Variants in LYST observed in about 807,000 individuals in gnomAD.
LYST encodes lysosomal trafficking regulator.
A neutral mutation model predicts 413.6 loss-of-function variants in LYST; 192 were observed. The ratio of observed to expected loss-of-function variants is 0.46; its 90% CI spans 0.41 to 0.52. LYST has a LOEUF of 0.52. LYST is among the 20% of genes least tolerant of loss of function. The pLI is 0.00. For synonymous variants in LYST, 1,525 were observed against 1,567.3 expected, an observed-to-expected ratio of 0.97 and a Z score of 0.64; for missense variants, 3,815 against 4,499.9, an observed-to-expected ratio of 0.85 and a Z score of 4.35.
At position 235,734,592 on chromosome 1, in the gene LYST, T is replaced by C. The variant is rs143079247; in HGVS notation, c.8426A>G (p.Glu2809Gly). The C allele has an allele frequency of 6.5e-5, 105 of 1,613,326 alleles. No homozygotes were observed. The highest frequency in any genetic ancestry group is 7.2e-5 in the Non-Finnish European group (85 of 1,179,360). ...IHNHQGELTE[E>G]ELGTAELLMN... ...AAGCAGTTCTGCTGTGCCTAGCTCTTCTTCAGTCAATTCACCTTGGTGATT... is the reference window on the plus strand; with the variant it reads ...AAGCAGTTCTGCTGTGCCTAGCTCTCCTTCAGTCAATTCACCTTGGTGATT... Residue 2809 changes from glutamate to glycine, a missense_variant, in exon 32 of 53, where the codon GAA becomes GGA. Coordinates refer to ENST00000389793, the MANE Select transcript of LYST (RefSeq NM_000081.4).
At chr1:235,707,921 T>C (rs561128691) in intron 44 of LYST, among the ~76,000 whole-genome samples, 1 of 152,308 alleles carries the variant, frequency 6.6e-6, no homozygotes, top group African/African-American at 2.4e-5. Context: ...CAGTTCAGTA[T>C]TCTTAATCCA....
In LYST at chr1:235,693,629, G is replaced by T. The variant is rs188875077; in HGVS notation, c.10565-143C>A. The T allele has an allele frequency of 6.0e-4, 520 of 860,430 alleles. 4 individuals are homozygous for T. In the African/African-American group the frequency reaches 7.7e-3, roughly 13 times the overall value. 53.3% of individuals were successfully genotyped at this position (860,430 alleles called of 1,614,324 possible). On this transcript the variant is annotated intron_variant, in intron 46 of 52. Transcript: ENST00000389793. ...AGACCATCTTTAAATCTCTAAAATGGAACAATTTTTTAGTTTTATTCCTTT... is the reference window on the plus strand; with the variant it reads ...AGACCATCTTTAAATCTCTAAAATGTAACAATTTTTTAGTTTTATTCCTTT...
At chr1:235,720,957 G>A (rs1173718499) in intron 39 of LYST, 52 bp from the exon 40 acceptor site, 6 of 1,574,492 alleles carry the variant, frequency 3.8e-6, no homozygotes, top group South Asian at 1.1e-5. Context: ...AGTCTTATTG[G>A]CACTTTTCTC....
chr1:235,857,272 T>C (rs1679296980), intron 1 of LYST, among the ~76,000 whole-genome samples: 1 of 152,046 alleles, frequency 6.6e-6, no homozygotes. Flanking sequence ...TTGTGGATGT[T>C]GAAAATAAGT....
Position 235,791,904 on chromosome 1 carries a change from C to G in LYST, c.4338G>C (p.Arg1446=), listed in dbSNP as rs774383969. 6.2e-7 allele frequency: 1 copy of G among 1,614,118 alleles called. No individual in the cohort carries two copies. Among genetic ancestry groups the G allele is most frequent in the South Asian group, 1.1e-5 (1 of 91,084 alleles). ...GGGCTATGTGCCAAGATGAAAGCAG[C>G]CGATGGGGAAAACTCTCTCTATCAG... is the stretch of plus-strand genomic sequence containing the variant. ...KEADRESFPH[R]LLSSWHIAPV... is the part of the protein sequence containing the mutation. The change falls in exon 12 of 53, where the codon CGG becomes CGC. Residue 1446 remains arginine (R), a synonymous_variant. Coordinates refer to ENST00000389793, the MANE Select transcript of LYST (RefSeq NM_000081.4).
chr1:235,764,559 G>A (rs1420964613), intron 21 of LYST, among the ~76,000 whole-genome samples: 2 of 144,538 alleles, frequency 1.4e-5, no homozygotes, highest in African/African-American at 5.3e-5. Flanking sequence ...GAGTGCAATG[G>A]CACATTCTCA....
At chr1:235,738,179 C>T (rs574294596) in intron 31 of LYST, 38 of 1,609,846 alleles carry the variant, frequency 2.4e-5, no homozygotes, top group Middle Eastern at 2.3e-4. Flanking sequence ...AATTGAAGGG[C>T]GAGATGATGG....
chr1:235,734,443 T>C (rs999906161), intron 32 of LYST, 40 bp downstream of exon 32: 31 of 1,500,062 alleles, frequency 2.1e-5, no homozygotes, highest in Non-Finnish European at 2.9e-5. Flanking sequence ...TTATCTATGA[T>C]GGAATCTCCT....
rs1421850267 is a variant in LYST at position 235,808,659 on chromosome 1, T to C, written c.2159A>G (p.Gln720Arg). The C allele has an allele frequency of 6.2e-7, 1 of 1,613,590 alleles. No individual in the cohort carries two copies. Among genetic ancestry groups the C allele is most frequent in the South Asian group, 1.1e-5 (1 of 91,074 alleles). Reference protein sequence around the residue: ...QIANHICNLIQKGNIVVQWKL... With the variant: ...QIANHICNLIRKGNIVVQWKL... ...CCACTGAACAACTATATTGCCTTTC[T>C]GGATTAAATTGCAAATGTGATTTGC... The change falls in exon 5 of 53, where the codon CAG becomes CGG. Residue 720 changes from glutamine (Q) to arginine (R), a missense_variant. Around this residue, in one of 4 missense-constraint regions of LYST, gnomAD observed 1,648 missense variants for 1,810.3 expected, o/e 0.91. Coordinates refer to ENST00000389793, the MANE Select transcript of LYST (RefSeq NM_000081.4).
In LYST at chr1:235,806,353, C is replaced by A; in HGVS notation, c.2783G>T (p.Gly928Val). Residue 928 changes from glycine to valine, a missense_variant, in exon 6 of 53, where the codon GGC becomes GTC. By Grantham distance (109) the Gly-to-Val change is moderately radical (BLOSUM62 -3). This residue lies in a region of LYST where 1,648 missense variants were observed against 1,810.3 expected (regional missense o/e 0.91). Coordinates refer to ENST00000389793, the MANE Select transcript of LYST (RefSeq NM_000081.4). ...ESANDSEDTS[G>V]YDSTASEPLS... is the part of the protein sequence containing the mutation. ...AGGCTCGCTGGCTGTGCTGTCATAG[C>A]CAGAAGTATCTTCTGAGTCATTGGC... 1.2e-6 allele frequency: 2 copies of A among 1,613,972 alleles called. No homozygotes were observed. The highest frequency in any genetic ancestry group is 1.7e-6 in the Non-Finnish European group (2 of 1,179,992).
chr1:235,875,742 C>A (rs1681105857), intron 1 of LYST, among the ~76,000 whole-genome samples: 1 of 151,862 alleles, frequency 6.6e-6, no homozygotes, highest in Non-Finnish European at 1.5e-5. Context: ...TACTTGGAAG[C>A]CTGAGGCAGG....
At position 235,759,190 on chromosome 1, in the gene LYST, C is replaced by CTCA; in HGVS notation, c.6660_6662dup (p.Asp2220dup). The stretch of plus-strand genomic sequence containing the variant: ...GGTAATCAGGTCGGCGTGGGCAGGA[C>CTCA]TCATCCCCAGGACTGTCATCTTCTG... On this transcript the variant is annotated inframe_insertion, in exon 23 of 53. Coordinates refer to ENST00000389793, the MANE Select transcript of LYST (RefSeq NM_000081.4). The CTCA allele has an allele frequency of 6.2e-7, 1 of 1,614,150 alleles. No individual in the cohort carries two copies. The highest frequency in any genetic ancestry group is 8.5e-7 in the Non-Finnish European group (1 of 1,180,018).
At position 235,762,706 on chromosome 1, in the gene LYST, A is replaced by G. The variant is rs745806176; in HGVS notation, c.6253+14T>C. 11 of 1,611,576 alleles carry G rather than the reference A, an allele frequency of 6.8e-6. No homozygotes were observed. Among genetic ancestry groups the G allele is most frequent in the Non-Finnish European group, 9.3e-6 (11 of 1,177,980 alleles). On this transcript the variant is annotated intron_variant, in intron 22 of 52. Transcript: ENST00000389793. ...AAAATGAGAAGGTCATACTTCCATT[A>G]TTGCTATTTTTACCTTCATATGGTG...
intron 2 of LYST, among the ~76,000 whole-genome samples, chr1:235,831,962 T>C (rs562925020): frequency 3.9e-5 from 6 of 152,346 alleles, no homozygotes; most frequent in African/African-American, 1.2e-4. Context: ...CAATGCTTCT[T>C]ATCACATAAA....
At chr1:235,768,320 C>A (rs969954878) in intron 20 of LYST, among the ~76,000 whole-genome samples, 2 of 151,950 alleles carry the variant, frequency 1.3e-5, no homozygotes, top group East Asian at 1.9e-4. Flanking sequence ...TCCTTATAAT[C>A]TCTCCCATAT....
chr1:235,791,139 C>T (rs75077716), intron 12 of LYST, among the ~76,000 whole-genome samples: 6,358 of 152,032 alleles, frequency 0.042, 471 homozygotes, highest in African/African-American at 0.14. Flanking sequence ...TAAAATTAGC[C>T]AGGTGTGATT....
rs921215591 is a variant in LYST, at chr1:235,686,374, A to AAAAAC, written c.10800+570_10800+574dup. Reference sequence around the variant, plus strand: ...AGAGGGAGGTTCTGTCTCAAAAAACAAAAACAAAACAAAACAAAACAAAAC... The same window carrying AAAAAC: ...AGAGGGAGGTTCTGTCTCAAAAAACAAAAACAAAACAAAACAAAACAAAACAAAAC... On this transcript the variant is annotated intron_variant, in intron 48 of 52. Transcript: ENST00000389793. This position sits in a 1 kb window ranked among gnomAD's most constrained non-coding sequence, Gnocchi z 4.0. Among the ~76,000 whole-genome samples the AAAAAC allele has an allele frequency of 3.3e-5, 5 of 152,220 alleles. No homozygotes were observed. Among genetic ancestry groups the AAAAAC allele is most frequent in the Non-Finnish European group, 7.3e-5 (5 of 68,044 alleles).
chr1:235,800,627 A>C (rs1672111102), intron 9 of LYST, among the ~76,000 whole-genome samples: 1 of 152,250 alleles, frequency 6.6e-6, no homozygotes, highest in Non-Finnish European at 1.5e-5. Flanking sequence ...AATATTACCC[A>C]GTCTCAGAAA....
rs544105865 is a variant in LYST at position 235,798,301 on chromosome 1, A to C, written c.4006+2019T>G. ...TTAAGAAATCTGAATTATGGACTTCAGTTAATAATAACATATCAATATAAG... is the reference window on the plus strand; with the variant it reads ...TTAAGAAATCTGAATTATGGACTTCCGTTAATAATAACATATCAATATAAG... On this transcript the variant is annotated intron_variant, in intron 10 of 52. Transcript: ENST00000389793. Among the ~76,000 whole-genome samples, 9 of 152,242 alleles carry C rather than the reference A, an allele frequency of 5.9e-5. No homozygotes were observed. The East Asian group carries it at 1.7e-3, about 29-fold the overall frequency.
Sources: gnomAD v4.1 joint callset for allele counts (sites outside exome capture counted in the v4.1 genomes callset) on GRCh38, gnomAD v4.1.1 for gene constraint, gnomAD v4.1.1 regional missense constraint, Gnocchi (gnomAD v3.1) non-coding constraint, MANE v1.5 for transcripts, NCBI Gene and HGNC (gene_info 2026-07-23, HGNC 2026-07-21) for gene names.